Variants in SOX5 observed in about 807,000 individuals in gnomAD.
SOX5 encodes SRY-box transcription factor 5, also known as transcription factor SOX-5.
A neutral mutation model predicts 92.0 loss-of-function variants in SOX5; 9 were observed. The ratio of observed to expected loss-of-function variants is 0.10; its 90% CI spans 0.06 to 0.17. The LOEUF is 0.17. Ranked by LOEUF, SOX5 falls within the 10% of genes least tolerant of loss-of-function variation. The pLI is 1.00. For synonymous variants in SOX5, 344 were observed against 336.3 expected, an observed-to-expected ratio of 1.02 and a Z score of -0.25; for missense variants, 642 against 944.5, an observed-to-expected ratio of 0.68 and a Z score of 4.20.
intron 1 of SOX5, among the ~76,000 whole-genome samples, chr12:24,369,280 G>A (rs1430856330): frequency 2.0e-5 from 3 of 152,124 alleles, no homozygotes; most frequent in African/African-American, 7.2e-5. Flanking sequence ...CCACTGAACA[G>A]TCTAACAATG....
At chr12:23,701,384 T>C (rs959929055) in intron 6 of SOX5, among the ~76,000 whole-genome samples, 5 of 152,008 alleles carry the variant, frequency 3.3e-5, no homozygotes, top group African/African-American at 1.2e-4. Context: ...GATCCTTTTC[T>C]TAAGTTGCAG....
chr12:23,775,630 C>A lies in SOX5; in HGVS notation c.482-19906G>T, dbSNP rs377578118. Among the ~76,000 whole-genome samples, 8 of 152,308 alleles carry A rather than the reference C, an allele frequency of 5.3e-5. No homozygotes were observed. In the East Asian group the frequency reaches 1.5e-3, roughly 29 times the overall value. On this transcript the variant is annotated intron_variant, in intron 3 of 14. Transcript: ENST00000451604. ...TCTTACCAAGGTCTACAGAGTTCTA[C>A]AAGATTTGGCCTTCATTTATTTCTC...
At chr12:24,468,053 GATC>G (rs1329608661) in intron 1 of SOX5, among the ~76,000 whole-genome samples, 2 of 152,196 alleles carry the variant, frequency 1.3e-5, no homozygotes, top group Non-Finnish European at 2.9e-5. Context: ...GAGTAACTGA[GATC>G]ATAACAACTG....
rs1164831816 is a variant in SOX5, at chr12:23,570,930, AATATATATATATATATATAT to A, written c.1342+4711_1342+4730del. On this transcript the variant is annotated intron_variant, in intron 10 of 14. Transcript: ENST00000451604. ...CAACTCAAAAAAAAAAAAAAAAAAA[AATATATATATATATATATAT>A]ATATATATATATATATATATATATA... is the stretch of plus-strand genomic sequence containing the variant. 8.9e-3 allele frequency among the ~76,000 whole-genome samples: 177 copies of A among 19,920 alleles called. 13 individuals carry two copies. Among genetic ancestry groups the A allele is most frequent in the South Asian group, 0.022 (8 of 364 alleles). The allele number at this position is 19,920 out of a possible 152,430, so 13.1% of individuals were successfully genotyped here. A position where few individuals can be genotyped will look rare whatever the true frequency, so the allele number is the denominator to read the frequency against.
chr12:24,106,988 T>C (rs900512216), intron 4 of SOX5, among the ~76,000 whole-genome samples: 1 of 151,888 alleles, frequency 6.6e-6, no homozygotes, highest in Admixed American at 6.6e-5. Context: ...TGAGGTAAGG[T>C]AAAGAAGAAT....
chr12:24,395,897 C>T (rs1254170967), intron 1 of SOX5, among the ~76,000 whole-genome samples: 1 of 152,204 alleles, frequency 6.6e-6, no homozygotes, highest in Non-Finnish European at 1.5e-5. Flanking sequence ...TCCCACTCCC[C>T]TGACATCTCT....
At chr12:24,022,942 C>A (rs935791817) in intron 4 of SOX5, among the ~76,000 whole-genome samples, 3 of 151,534 alleles carry the variant, frequency 2.0e-5, no homozygotes, top group African/African-American at 7.3e-5. Context: ...AACTGGCATG[C>A]TTTCCTCCTT....
At chr12:24,306,379 T>C (rs564285719) in intron 2 of SOX5, among the ~76,000 whole-genome samples, 1 of 152,324 alleles carries the variant, frequency 6.6e-6, no homozygotes, top group Non-Finnish European at 1.5e-5. Flanking sequence ...GCCCTCAATC[T>C]ATGATTCTGC....
chr12:24,536,494 A>C (rs1951655064), intron 1 of SOX5, among the ~76,000 whole-genome samples: 1 of 152,212 alleles, frequency 6.6e-6, no homozygotes, highest in African/African-American at 2.4e-5. Flanking sequence ...ATTTGCGATC[A>C]AACTGTCAAC....
At chr12:24,241,723 G>T (rs1222219374) in intron 3 of SOX5, among the ~76,000 whole-genome samples, 1 of 152,140 alleles carries the variant, frequency 6.6e-6, no homozygotes, top group Admixed American at 6.6e-5. Flanking sequence ...GTATAGTTAA[G>T]ATCCCCAGCA....
chr12:23,656,200 T>G (rs898101431), intron 7 of SOX5, among the ~76,000 whole-genome samples: 8 of 150,506 alleles, frequency 5.3e-5, no homozygotes, highest in Admixed American at 2.0e-4. Context: ...TTTTTTTTTC[T>G]GATAGAATTC....
intron 4 of SOX5, among the ~76,000 whole-genome samples, chr12:24,043,615 C>T (rs775124991): frequency 7.9e-5 from 12 of 152,256 alleles, no homozygotes; most frequent in Admixed American, 5.2e-4. Context: ...CATGGGATGG[C>T]GGCATTTCTG....
intron 9 of SOX5, chr12:23,584,743 G>A (rs1301699550): frequency 5.0e-6 from 3 of 597,670 alleles, no homozygotes; most frequent in Non-Finnish European, 6.0e-6. Flanking sequence ...GTGTGTGTGT[G>A]TGTGTATGTG....
chr12:23,814,105 TAG>T (rs1318259174), intron 3 of SOX5, among the ~76,000 whole-genome samples: 3 of 152,164 alleles, frequency 2.0e-5, no homozygotes, highest in African/African-American at 7.2e-5. Context: ...AAATTCCAAA[TAG>T]AGATTTTAGT....
intron 1 of SOX5, among the ~76,000 whole-genome samples, chr12:24,456,221 C>G (rs1943005191): frequency 6.6e-6 from 1 of 152,172 alleles, no homozygotes; most frequent in Non-Finnish European, 1.5e-5. Flanking sequence ...TAAACAATTT[C>G]CGCCAAATCA....
At chr12:24,046,505 A>C (rs1957040361) in intron 4 of SOX5, among the ~76,000 whole-genome samples, 2 of 152,206 alleles carry the variant, frequency 1.3e-5, no homozygotes. Flanking sequence ...TATTAAATTG[A>C]CATCATTATC....
At chr12:24,501,146 A>G (rs1948155810) in intron 1 of SOX5, among the ~76,000 whole-genome samples, 1 of 152,186 alleles carries the variant, frequency 6.6e-6, no homozygotes, top group South Asian at 2.1e-4. Flanking sequence ...TATCCTTATA[A>G]ATTAGCCTAC....
chr12:23,866,076 C>T (rs1190574848), intron 2 of SOX5, among the ~76,000 whole-genome samples: 1 of 152,184 alleles, frequency 6.6e-6, no homozygotes, highest in Non-Finnish European at 1.5e-5. Context: ...GAATCTACTC[C>T]TGATGAAGAT....
At position 24,466,247 on chromosome 12, in the gene SOX5, C is replaced by CT. The variant is rs962901534; in HGVS notation, c.-251+96081dup. On this transcript the variant is annotated intron_variant, in intron 1 of 4. Coordinates refer to the SOX5 transcript ENST00000446891. ...TTCCTTCTTTCTTCTTCTTTTCTTT[C>CT]TTTTTTTTTTTAAGAGACAGAATCT... 1.5e-3 allele frequency among the ~76,000 whole-genome samples: 219 copies of CT among 146,154 alleles called. 1 individual carries two copies. Among genetic ancestry groups the CT allele is most frequent in the Middle Eastern group, 3.5e-3 (1 of 286 alleles).
Sources: gnomAD v4.1 joint callset for allele counts (sites outside exome capture counted in the v4.1 genomes callset) on GRCh38, gnomAD v4.1.1 for gene constraint, MANE v1.5 for transcripts, NCBI Gene and HGNC (gene_info 2026-07-23, HGNC 2026-07-21) for gene names.